CNST: variants seen among roughly 807,000 people sequenced by gnomAD.
The protein encoded by CNST is consortin.
In CNST, 39 loss-of-function variants were observed where a neutral mutation model predicts 72.4. The observed-to-expected ratio is 0.54, with a 90% CI of 0.42 to 0.70. The LOEUF (loss-of-function observed/expected upper bound fraction) is 0.70, where lower values mean the gene tolerates loss of function less well. Ranked by LOEUF, CNST falls within the 30% of genes least tolerant of loss-of-function variation. The pLI is 0.00. For missense variants in CNST, 871 were observed against 868.5 expected, an observed-to-expected ratio of 1.00 and a Z score of -0.04; for synonymous variants, 332 against 320.1, an observed-to-expected ratio of 1.04 and a Z score of -0.40.
At chr1:246,583,794 A>G (rs1054127472) in intron 1 of CNST, among the ~76,000 whole-genome samples, 19 of 152,262 alleles carry the variant, frequency 1.2e-4, no homozygotes, top group Admixed American at 9.2e-4. Flanking sequence ...TTGCATAAGC[A>G]GTTTAAAACC....
At chr1:246,642,918 G>T (rs1012930335) in intron 8 of CNST, among the ~76,000 whole-genome samples, 1 of 133,530 alleles carries the variant, frequency 7.5e-6, no homozygotes, top group African/African-American at 3.1e-5. Context: ...TTGAGACAGG[G>T]TCTCACGCTG....
chr1:246,647,804 G>A lies in CNST; in HGVS notation c.1603G>A (p.Asp535Asn). 6.2e-7 allele frequency: 1 copy of A among 1,614,138 alleles called. No homozygotes were observed. Among genetic ancestry groups the A allele is most frequent in the Non-Finnish European group, 8.5e-7 (1 of 1,180,004 alleles). Residue 535 changes from aspartate to asparagine, a missense_variant, in exon 9 of 11, where the codon GAT (aspartate) becomes AAT (asparagine). Asp to Asn is a conservative substitution (Grantham distance 23, BLOSUM62 1). Transcript: ENST00000366513. Reference sequence around the variant, plus strand: ...GTGTATGGCCCCAGAGGAAAAGGGAGATAAAGACGACCAACTCAACAAAGA... The same window carrying A: ...GTGTATGGCCCCAGAGGAAAAGGGAAATAAAGACGACCAACTCAACAAAGA... ...EVCMAPEEKG[D>N]KDDQLNKETE...
chr1:246,640,693 T>G (rs1342041494), intron 6 of CNST, among the ~76,000 whole-genome samples: 1 of 152,182 alleles, frequency 6.6e-6, no homozygotes, highest in Non-Finnish European at 1.5e-5. Flanking sequence ...AGTGAGACAG[T>G]GCCAGGTAAT....
intron 2 of CNST, among the ~76,000 whole-genome samples, chr1:246,593,043 G>C (rs1315018601): frequency 6.6e-6 from 1 of 152,204 alleles, no homozygotes; most frequent in Admixed American, 6.5e-5. Context: ...AGTGAACTAA[G>C]TAGAATGCCT....
At chr1:246,651,994 A>T (rs1329117067) in intron 9 of CNST, among the ~76,000 whole-genome samples, 1 of 152,228 alleles carries the variant, frequency 6.6e-6, no homozygotes, top group African/African-American at 2.4e-5. Flanking sequence ...TTTTATGCAG[A>T]TGAAGCCTGC....
intron 6 of CNST, among the ~76,000 whole-genome samples, chr1:246,637,891 A>G (rs1046899129): frequency 4.6e-5 from 7 of 152,144 alleles, no homozygotes; most frequent in African/African-American, 1.7e-4. Context: ...AGTACAGACA[A>G]AGACTAGAAG....
chr1:246,665,706 T>C lies in CNST; in HGVS notation c.1979T>C (p.Val660Ala). The C allele has an allele frequency of 6.2e-7, 1 of 1,612,770 alleles. No individual in the cohort carries two copies. Among genetic ancestry groups the C allele is most frequent in the Non-Finnish European group, 8.5e-7 (1 of 1,179,930 alleles). Residue 660 changes from valine (V) to alanine (A), a missense_variant, in exon 11 of 11, where the codon GTT (valine) becomes GCT (alanine). By Grantham distance (64) the Val-to-Ala change is moderately conservative. Transcript: ENST00000366513. ...CTCTTTCTCATGTTTGCAGATGAAG[T>C]TGGAGGTGGCTCCTGTATTTTGCTG... ...EIDDSLDQDE[V>A]GGGSCILLVL...
chr1:246,661,734 A>G (rs1485985808), intron 10 of CNST, among the ~76,000 whole-genome samples: 2 of 152,224 alleles, frequency 1.3e-5, no homozygotes, highest in African/African-American at 4.8e-5. Flanking sequence ...TCTCATATTC[A>G]TAAAACAACT....
chr1:246,650,437 T>G (rs1666385121), intron 9 of CNST, among the ~76,000 whole-genome samples: 1 of 152,216 alleles, frequency 6.6e-6, no homozygotes, highest in Admixed American at 6.5e-5. Flanking sequence ...GAATACTTAC[T>G]ACCCTCGCTA....
At chr1:246,568,083 T>A (rs1489169427) in intron 1 of CNST, among the ~76,000 whole-genome samples, 2 of 152,024 alleles carry the variant, frequency 1.3e-5, no homozygotes, top group African/African-American at 2.4e-5. Flanking sequence ...GGAGGATCAC[T>A]TGCTGCCGGG....
At chr1:246,662,802 G>C (rs889042697) in intron 10 of CNST, among the ~76,000 whole-genome samples, 2 of 152,116 alleles carry the variant, frequency 1.3e-5, no homozygotes, top group African/African-American at 4.8e-5. Context: ...TTCACACTAA[G>C]TATTCAGAAT....
rs75787049 is a variant in CNST, at chr1:246,591,113, T to C, written c.-51-399T>C. Among the ~76,000 whole-genome samples the C allele has an allele frequency of 3.9e-5, 6 of 152,284 alleles. No individual in the cohort carries two copies. In the East Asian group the frequency reaches 1.2e-3, roughly 29 times the overall value. On this transcript the variant is annotated intron_variant, in intron 1 of 10. Coordinates refer to ENST00000366513, the MANE Select transcript of CNST (RefSeq NM_152609.3). ...CAGTTGTCTGCTGAGTGTCCAGGGA[T>C]TAACATAAGAGACTAATTTCAGCAC... is the stretch of plus-strand genomic sequence containing the variant.
At chr1:246,617,956 G>A (rs1328451923) in intron 2 of CNST, among the ~76,000 whole-genome samples, 1 of 152,210 alleles carries the variant, frequency 6.6e-6, no homozygotes, top group Admixed American at 6.5e-5. Context: ...CTTTGGTAGG[G>A]AGTATTGCAG....
intron 2 of CNST, chr1:246,606,908 C>T (rs1397587913): frequency 2.0e-5 from 3 of 151,108 alleles, no homozygotes; most frequent in Non-Finnish European, 4.4e-5. Context: ...CGGGGCAGTC[C>T]GTCGTCAGCT....
intron 2 of CNST, among the ~76,000 whole-genome samples, chr1:246,594,811 A>T (rs1661770865): frequency 6.6e-6 from 1 of 152,220 alleles, no homozygotes; most frequent in African/African-American, 2.4e-5. Flanking sequence ...AAACCCAAGT[A>T]CAAATCTTAT....
Position 246,647,374 on chromosome 1 carries a change from G to A in CNST, c.1173G>A (p.Glu391=), listed in dbSNP as rs199563490. 9 of 1,613,982 alleles carry A rather than the reference G, an allele frequency of 5.6e-6. No homozygotes were observed. Among genetic ancestry groups the A allele is most frequent in the East Asian group, 2.2e-5 (1 of 44,876 alleles). The change falls in exon 9 of 11, where the codon GAG becomes GAA. Residue 391 remains glutamate (E), a synonymous_variant. Coordinates refer to ENST00000366513, the MANE Select transcript of CNST (RefSeq NM_152609.3). ...AGSPSGPDSS[E]DACEDDSRLQ... ...GCCCGTCTGGGCCAGACTCTTCTGA[G>A]GATGCTTGTGAGGATGACAGTCGCT...
rs1178313999 is a variant in CNST at position 246,624,667 on chromosome 1, A to ATTTG, written c.585+3033_585+3034insTTTG. ...TCACCTCCCAAGGGACACACAAATCAGGGAGGGATGGAGATATATTTTATT... is the reference window on the plus strand; with the variant it reads ...TCACCTCCCAAGGGACACACAAATCATTTGGGGAGGGATGGAGATATATTTTATT... On this transcript the variant is annotated intron_variant, in intron 3 of 10. Transcript: ENST00000366513. 8.5e-5 allele frequency among the ~76,000 whole-genome samples: 13 copies of ATTTG among 152,246 alleles called. 1 individual carries two copies. The highest frequency in any genetic ancestry group is 1.6e-4 in the Non-Finnish European group (11 of 68,048).
At chr1:246,652,818 C>G (rs549423925) in intron 9 of CNST, among the ~76,000 whole-genome samples, 7 of 150,618 alleles carry the variant, frequency 4.6e-5, no homozygotes, top group Admixed American at 2.0e-4. Flanking sequence ...TCCTGGCTAA[C>G]ACGGTGAAAC....
chr1:246,640,034 A>G (rs1019933271), intron 6 of CNST, among the ~76,000 whole-genome samples: 2 of 152,076 alleles, frequency 1.3e-5, no homozygotes, highest in African/African-American at 4.8e-5. Context: ...GCGCCTTGGG[A>G]CTGGGCCTGA....
Sources: gnomAD v4.1 joint callset for allele counts (sites outside exome capture counted in the v4.1 genomes callset) on GRCh38, gnomAD v4.1.1 for gene constraint, MANE v1.5 for transcripts, NCBI Gene and HGNC (gene_info 2026-07-23, HGNC 2026-07-21) for gene names.